Variants in PPP6R3 observed in about 807,000 individuals in gnomAD.
PPP6R3 encodes the protein serine/threonine-protein phosphatase 6 regulatory subunit 3.
In PPP6R3, 38 loss-of-function variants were observed where a neutral mutation model predicts 110.7. The observed-to-expected ratio is 0.34, with a 90% CI of 0.26 to 0.45. The LOEUF (loss-of-function observed/expected upper bound fraction) is 0.45. PPP6R3 is among the 20% of genes least tolerant of loss of function. PPP6R3 has a pLI of 1.00. For missense variants in PPP6R3, 870 were observed against 1,062.4 expected, an observed-to-expected ratio of 0.82 and a Z score of 2.52; for synonymous variants, 369 against 373.5, an observed-to-expected ratio of 0.99 and a Z score of 0.14.
intron 1 of PPP6R3, among the ~76,000 whole-genome samples, chr11:68,476,055 C>T (rs1415673496): frequency 8.6e-5 from 13 of 151,348 alleles, no homozygotes; most frequent in South Asian, 2.1e-4. Context: ...ACTTCCCAGA[C>T]GGGGTGGCGG....
At chr11:68,528,777 A>G (rs1302791861) in intron 2 of PPP6R3, among the ~76,000 whole-genome samples, 1 of 152,148 alleles carries the variant, frequency 6.6e-6, no homozygotes, top group Non-Finnish European at 1.5e-5. Context: ...GGAAGCAGTC[A>G]CCAGACCCTC....
At chr11:68,606,478 G>GTT (rs11344213) in intron 22 of PPP6R3, among the ~76,000 whole-genome samples, 54 of 129,532 alleles carry the variant, frequency 4.2e-4, no homozygotes, top group Non-Finnish European at 3.9e-4. Context: ...AATTTATGTA[G>GTT]TTTTTTTTTT....
chr11:68,534,033 A>G (rs1338358021), intron 2 of PPP6R3, among the ~76,000 whole-genome samples: 1 of 152,182 alleles, frequency 6.6e-6, no homozygotes, highest in Non-Finnish European at 1.5e-5. Flanking sequence ...TTTGGTCCTC[A>G]GCATTTAGCT....
chr11:68,614,203 CAT>C lies in PPP6R3; in HGVS notation c.*1088_*1089del. 2 of 988,526 alleles carry C rather than the reference CAT, an allele frequency of 2.0e-6. No homozygotes were observed. The highest frequency in any genetic ancestry group is 1.1e-4 in the East Asian group (1 of 8,854). 61.2% of individuals were successfully genotyped at this position (988,526 alleles called of 1,614,324 possible). ...TACTGTACCTTGTGAGGTTTTCACT[CAT>C]AAATTTAAACCAGTGTATTTTTTTA... On this transcript the variant is annotated 3_prime_UTR_variant, in exon 24 of 24. Coordinates refer to ENST00000393800, the MANE Select transcript of PPP6R3 (RefSeq NM_001164161.2).
chr11:68,600,232 C>CT (rs1327501391), intron 19 of PPP6R3, 109 bp from the exon 20 acceptor site: 5 of 1,288,996 alleles, frequency 3.9e-6, no homozygotes, highest in Non-Finnish European at 5.6e-6. Flanking sequence ...GTGAGAGTGT[C>CT]TTTCTCCCAC....
chr11:68,610,412 A>G (rs1942824936), intron 23 of PPP6R3, among the ~76,000 whole-genome samples: 1 of 152,226 alleles, frequency 6.6e-6, no homozygotes, highest in Admixed American at 6.5e-5. Flanking sequence ...AGGCACGAGC[A>G]GATCGTGGTG....
intron 1 of PPP6R3, among the ~76,000 whole-genome samples, chr11:68,490,013 A>C (rs2098973866): frequency 6.6e-6 from 1 of 152,182 alleles, no homozygotes; most frequent in African/African-American, 2.4e-5. Flanking sequence ...ACTACTTTTA[A>C]TTAAGAATAA....
chr11:68,614,477 A>C lies in PPP6R3; in HGVS notation c.*1360A>C. The C allele has an allele frequency of 7.2e-7, 1 of 1,386,584 alleles. No individual in the cohort carries two copies. Among genetic ancestry groups the C allele is most frequent in the East Asian group, 2.9e-5 (1 of 34,702 alleles). 85.9% of individuals were successfully genotyped at this position (1,386,584 alleles called of 1,614,324 possible). Reference sequence around the variant, plus strand: ...TTTACATCATTTGTTTTTCCTGACCAGTATTTAAAACCAAAAGGATATTCT... The same window carrying C: ...TTTACATCATTTGTTTTTCCTGACCCGTATTTAAAACCAAAAGGATATTCT... On this transcript the variant is annotated 3_prime_UTR_variant, in exon 24 of 24. Transcript: ENST00000393800.
chr11:68,463,369 A>AAAAAAAAAAAAAAAG (rs2098722308), intron 1 of PPP6R3, among the ~76,000 whole-genome samples: 1 of 151,494 alleles, frequency 6.6e-6, no homozygotes, highest in Non-Finnish European at 1.5e-5. Context: ...AAAAAAAAAA[A>AAAAAAAAAAAAAAAG]AAAAAAAAGA....
intron 14 of PPP6R3, 141 bp from the exon 15 acceptor site, chr11:68,582,902 G>A (rs967042870): frequency 1.2e-5 from 8 of 679,402 alleles, no homozygotes; most frequent in Non-Finnish European, 1.4e-5. Context: ...GGCGGGTTTG[G>A]CAGCTTAACT....
intron 7 of PPP6R3, among the ~76,000 whole-genome samples, chr11:68,554,920 T>A (rs2099393589): frequency 6.6e-6 from 1 of 152,244 alleles, no homozygotes; most frequent in Non-Finnish European, 1.5e-5. Context: ...ACTTCTATTG[T>A]TGTTTTTAAT....
At chr11:68,521,285 C>A (rs1169409649) in intron 2 of PPP6R3, among the ~76,000 whole-genome samples, 1 of 152,120 alleles carries the variant, frequency 6.6e-6, no homozygotes, top group African/African-American at 2.4e-5. Context: ...GCTGTAACTT[C>A]TTTGTATCTT....
At chr11:68,475,522 G>T (rs2098822761) in intron 1 of PPP6R3, among the ~76,000 whole-genome samples, 1 of 151,494 alleles carries the variant, frequency 6.6e-6, no homozygotes, top group African/African-American at 2.4e-5. Flanking sequence ...TCCCGGACGG[G>T]GCAGCGGCCG....
At chr11:68,489,882 A>G (rs2153430483) in intron 1 of PPP6R3, among the ~76,000 whole-genome samples, 1 of 152,286 alleles carries the variant, frequency 6.6e-6, no homozygotes, top group Non-Finnish European at 1.5e-5. Flanking sequence ...CAGTAATAAC[A>G]AATATTTCTG....
At chr11:68,470,308 G>A (rs545200070) in intron 1 of PPP6R3, among the ~76,000 whole-genome samples, 79 of 152,182 alleles carry the variant, frequency 5.2e-4, no homozygotes, top group African/African-American at 1.9e-3. Flanking sequence ...CCAGCCACAA[G>A]GCTGTGGGTG....
intron 23 of PPP6R3, 111 bp downstream of exon 23, chr11:68,610,134 A>T: frequency 5.6e-6 from 8 of 1,432,000 alleles, no homozygotes; most frequent in Non-Finnish European, 7.4e-6. Flanking sequence ...CTCAAGTCTT[A>T]GGCCGCTGAC....
rs375691844 is a variant in PPP6R3 at position 68,554,130 on chromosome 11, A to G, written c.619-15A>G. ...TAACATGTTTTATGGTTAAAATTGTACTTTTTTCCTTTAGCGACATTCAAA... is the reference window on the plus strand; with the variant it reads ...TAACATGTTTTATGGTTAAAATTGTGCTTTTTTCCTTTAGCGACATTCAAA... On this transcript the variant is annotated splice_polypyrimidine_tract_variant and intron_variant, in intron 6 of 23. Coordinates refer to ENST00000393800, the MANE Select transcript of PPP6R3 (RefSeq NM_001164161.2). 20 of 1,565,486 alleles carry G rather than the reference A, an allele frequency of 1.3e-5. No individual in the cohort carries two copies. The African/African-American group carries it at 2.5e-4, about 19-fold the overall frequency.
At chr11:68,536,185 C>T (rs561188181) in intron 2 of PPP6R3, among the ~76,000 whole-genome samples, 53 of 151,808 alleles carry the variant, frequency 3.5e-4, no homozygotes, top group African/African-American at 1.3e-3. Flanking sequence ...ATTTAAAAAA[C>T]ATTTTTTTTT....
chr11:68,505,907 A>T (rs1437047260), intron 1 of PPP6R3, among the ~76,000 whole-genome samples: 4 of 152,054 alleles, frequency 2.6e-5, no homozygotes, highest in African/African-American at 4.8e-5. Flanking sequence ...TAGGTTCAAA[A>T]CTGGGAGTAA....
Sources: allele counts gnomAD v4.1 joint callset (sites outside exome capture counted in the v4.1 genomes callset), GRCh38; gene constraint gnomAD v4.1.1; transcripts MANE v1.5; gene names NCBI Gene and HGNC (gene_info 2026-07-23, HGNC 2026-07-21).